Variants in EPHB1 observed in about 807,000 individuals in gnomAD.
EPHB1 encodes EPH receptor B1, also known as ephrin type-B receptor 1.
Under a neutral mutation model 94.4 loss-of-function variants are expected in EPHB1, and 30 were observed. The observed-to-expected ratio is 0.32, with a 90% CI of 0.24 to 0.43. The LOEUF (loss-of-function observed/expected upper bound fraction) is 0.43. Among genes scored for constraint, EPHB1 ranks in the 20% least tolerant of loss-of-function variants. EPHB1 has a pLI of 1.00. For missense variants in EPHB1, 1,055 were observed against 1,308.3 expected, an observed-to-expected ratio of 0.81 and a Z score of 2.99; for synonymous variants, 522 against 489.1, an observed-to-expected ratio of 1.07 and a Z score of -0.89.
chr3:135,064,210 G>T (rs1042129678), intron 3 of EPHB1, among the ~76,000 whole-genome samples: 1 of 152,112 alleles, frequency 6.6e-6, no homozygotes, highest in Non-Finnish European at 1.5e-5. Flanking sequence ...CAGTTTCATA[G>T]AATGAATTAG....
At chr3:135,005,540 G>T (rs1359616672) in intron 3 of EPHB1, among the ~76,000 whole-genome samples, 1 of 152,226 alleles carries the variant, frequency 6.6e-6, no homozygotes, top group Non-Finnish European at 1.5e-5. Flanking sequence ...GGCAATGGTG[G>T]GCGCCCCTCC....
intron 1 of EPHB1, among the ~76,000 whole-genome samples, chr3:134,860,307 C>T (rs559348079): frequency 2.6e-5 from 4 of 152,080 alleles, no homozygotes; most frequent in East Asian, 3.9e-4. Flanking sequence ...GCGTGGTTTT[C>T]GTGTTCTCTG....
chr3:135,121,777 C>T lies in EPHB1; in HGVS notation c.962-10937C>T, dbSNP rs187502270. Among the ~76,000 whole-genome samples, 7 of 151,850 alleles carry T rather than the reference C, an allele frequency of 4.6e-5. No homozygotes were observed. In the East Asian group the frequency reaches 1.4e-3, roughly 29 times the overall value. Reference sequence around the variant, plus strand: ...GAGATGTTTTTCCTGCTTCACAGGGCCTTCAGGTCAAGTGTTCTGCACAAA... The same window carrying T: ...GAGATGTTTTTCCTGCTTCACAGGGTCTTCAGGTCAAGTGTTCTGCACAAA... On this transcript the variant is annotated intron_variant, in intron 4 of 15. Coordinates refer to ENST00000398015, the MANE Select transcript of EPHB1 (RefSeq NM_004441.5).
intron 15 of EPHB1, among the ~76,000 whole-genome samples, chr3:135,250,688 T>TTAAC (rs946148334): frequency 2.6e-5 from 4 of 152,116 alleles, no homozygotes; most frequent in Middle Eastern, 3.4e-3. Flanking sequence ...ACCTTGGAAA[T>TTAAC]TAACTCTACC....
intron 5 of EPHB1, among the ~76,000 whole-genome samples, chr3:135,137,045 CTT>C (rs1417645609): frequency 6.6e-6 from 1 of 152,204 alleles, no homozygotes; most frequent in Non-Finnish European, 1.5e-5. Flanking sequence ...GAATGACAAA[CTT>C]TACTTCTCTC....
chr3:135,155,959 G>C (rs1270490316), intron 6 of EPHB1, among the ~76,000 whole-genome samples: 1 of 152,010 alleles, frequency 6.6e-6, no homozygotes, highest in Non-Finnish European at 1.5e-5. Context: ...TAACGAGGAT[G>C]ATGGTGTAAT....
At chr3:135,230,168 A>C (rs910760146) in intron 12 of EPHB1, among the ~76,000 whole-genome samples, 4 of 152,146 alleles carry the variant, frequency 2.6e-5, no homozygotes, top group African/African-American at 4.8e-5. Flanking sequence ...CTGGAAACAG[A>C]AGGGGAGATA....
chr3:134,931,432 A>G (rs1004558211), intron 2 of EPHB1, among the ~76,000 whole-genome samples: 1 of 152,192 alleles, frequency 6.6e-6, no homozygotes, highest in African/African-American at 2.4e-5. Context: ...CTGTGTGTGT[A>G]AGTTTCTGTG....
At chr3:135,072,253 G>A (rs569579809) in intron 3 of EPHB1, among the ~76,000 whole-genome samples, 1 of 152,154 alleles carries the variant, frequency 6.6e-6, no homozygotes, top group African/African-American at 2.4e-5. Flanking sequence ...GTGGTGGCGT[G>A]AGCACTAGTA....
At chr3:134,977,977 T>A (rs1934252427) in intron 3 of EPHB1, 1 of 456,128 alleles carries the variant, frequency 2.2e-6, no homozygotes, top group Non-Finnish European at 4.4e-6. Flanking sequence ...GTCCAGGCCT[T>A]TTTGGAGGAT....
At chr3:135,168,036 G>T (rs1042948608) in intron 9 of EPHB1, among the ~76,000 whole-genome samples, 1 of 152,210 alleles carries the variant, frequency 6.6e-6, no homozygotes, top group Non-Finnish European at 1.5e-5. Context: ...TACCCAAGGC[G>T]GGAAAGTGAT....
chr3:135,092,281 G>A (rs1938582481), intron 3 of EPHB1, among the ~76,000 whole-genome samples: 1 of 152,152 alleles, frequency 6.6e-6, no homozygotes, highest in Non-Finnish European at 1.5e-5. Context: ...TAAATGACCT[G>A]GGGCTCTCAG....
chr3:134,852,249 A>G (rs2037003434), intron 1 of EPHB1, among the ~76,000 whole-genome samples: 1 of 151,826 alleles, frequency 6.6e-6, no homozygotes, highest in Non-Finnish European at 1.5e-5. Flanking sequence ...TTGACCCTAA[A>G]TCTATAGCCA....
chr3:135,165,782 T>G (rs1291804286), intron 7 of EPHB1, among the ~76,000 whole-genome samples, 186 bp from the exon 8 acceptor site: 1 of 152,258 alleles, frequency 6.6e-6, no homozygotes, highest in African/African-American at 2.4e-5. Flanking sequence ...CCTTTGTTTT[T>G]GGTTGTTTTT....
chr3:134,987,619 T>C (rs1027311068), intron 3 of EPHB1, among the ~76,000 whole-genome samples: 4 of 152,006 alleles, frequency 2.6e-5, no homozygotes, highest in African/African-American at 2.4e-5. Context: ...ATAATAATAA[T>C]AATCAGCTAG....
intron 13 of EPHB1, among the ~76,000 whole-genome samples, chr3:135,243,130 T>C (rs1455825436): frequency 6.6e-6 from 1 of 150,466 alleles, no homozygotes; most frequent in Non-Finnish European, 1.5e-5. Context: ...ACCCATCTTA[T>C]CCTGCCCAAG....
intron 3 of EPHB1, among the ~76,000 whole-genome samples, chr3:135,073,601 A>G (rs576675013): frequency 6.6e-6 from 1 of 152,354 alleles, no homozygotes; most frequent in East Asian, 1.9e-4. Context: ...CAAATTTATA[A>G]TAATCTCTGA....
At chr3:135,031,534 T>C (rs1005032575) in intron 3 of EPHB1, among the ~76,000 whole-genome samples, 36 of 152,342 alleles carry the variant, frequency 2.4e-4, no homozygotes, top group African/African-American at 8.4e-4. Context: ...GGTCTTGAAC[T>C]CCTGGGCTCA....
intron 9 of EPHB1, among the ~76,000 whole-genome samples, chr3:135,170,195 C>G (rs956316763): frequency 6.6e-5 from 10 of 152,162 alleles, no homozygotes; most frequent in African/African-American, 2.4e-4. Flanking sequence ...AGGCTGGCAG[C>G]CCCTCCCCTC....
Sources: gnomAD v4.1 joint callset for allele counts (sites outside exome capture counted in the v4.1 genomes callset) on GRCh38, gnomAD v4.1.1 for gene constraint, MANE v1.5 for transcripts, NCBI Gene and HGNC (gene_info 2026-07-23, HGNC 2026-07-21) for gene names.